Variants in B3GALT1 observed in about 807,000 individuals in gnomAD.
B3GALT1 encodes UDP-Gal:betaGlcNAc beta 1,3-galactosyltransferase, polypeptide 1.
In B3GALT1, 10 loss-of-function variants were observed where a neutral mutation model predicts 23.2. The observed-to-expected ratio is 0.43, with a 90% CI of 0.27 to 0.73. The LOEUF (loss-of-function observed/expected upper bound fraction) is 0.73, where lower values mean the gene tolerates loss of function less well. B3GALT1 is among the 30% of genes least tolerant of loss of function. B3GALT1 has a pLI of 0.21. For synonymous variants in B3GALT1, 156 were observed against 141.5 expected (o/e 1.10, Z -0.73); for missense variants, 299 against 405.4 (o/e 0.74, Z 2.25).
At chr2:167,717,137 ATT>A (rs1369897348) in intron 3 of B3GALT1, among the ~76,000 whole-genome samples, 3 of 151,862 alleles carry the variant, frequency 2.0e-5, no homozygotes, top group Non-Finnish European at 2.9e-5. Flanking sequence ...TTTGTCTTTC[ATT>A]TTTTCTTTCT....
At chr2:167,404,426 G>A (rs1254297907) in intron 1 of B3GALT1, among the ~76,000 whole-genome samples, 2 of 152,140 alleles carry the variant, frequency 1.3e-5, no homozygotes, top group African/African-American at 4.8e-5. Context: ...AATGGACTAT[G>A]TTGTGATTAG....
At chr2:167,801,590 G>T (rs1350579974) in intron 3 of B3GALT1, among the ~76,000 whole-genome samples, 1 of 152,176 alleles carries the variant, frequency 6.6e-6, no homozygotes, top group Non-Finnish European at 1.5e-5. Flanking sequence ...CTAGGTAAGA[G>T]TGTGTTTTGT....
At chr2:167,868,489 TAAAAA>T (rs71397619) in intron 4 of B3GALT1, among the ~76,000 whole-genome samples, 2 of 141,836 alleles carry the variant, frequency 1.4e-5, no homozygotes, top group Admixed American at 1.4e-4. Context: ...ATGTCACTGT[TAAAAA>T]AAAAAAAAAA....
At chr2:167,648,451 C>G (rs1040611068) in intron 3 of B3GALT1, among the ~76,000 whole-genome samples, 5 of 152,066 alleles carry the variant, frequency 3.3e-5, no homozygotes, top group African/African-American at 1.2e-4. Flanking sequence ...CAAGAAATGT[C>G]TCTACTCATC....
At chr2:167,852,765 C>A (rs1689929015) in intron 4 of B3GALT1, among the ~76,000 whole-genome samples, 1 of 152,108 alleles carries the variant, frequency 6.6e-6, no homozygotes, top group Non-Finnish European at 1.5e-5. Flanking sequence ...AGAATATAGT[C>A]CACTTTTCTA....
intron 3 of B3GALT1, among the ~76,000 whole-genome samples, chr2:167,789,645 C>G (rs1168856898): frequency 6.6e-6 from 1 of 152,086 alleles, no homozygotes; most frequent in Non-Finnish European, 1.5e-5. Flanking sequence ...ATACCAAATG[C>G]CAATGCCAAT....
At chr2:167,807,155 G>A (rs1688773197) in intron 3 of B3GALT1, among the ~76,000 whole-genome samples, 1 of 152,224 alleles carries the variant, frequency 6.6e-6, no homozygotes, top group South Asian at 2.1e-4. Flanking sequence ...GGGATCAGTG[G>A]TGATATCCCC....
chr2:167,426,316 C>T (rs574718403), intron 1 of B3GALT1, among the ~76,000 whole-genome samples: 7 of 151,104 alleles, frequency 4.6e-5, no homozygotes, highest in African/African-American at 1.7e-4. Flanking sequence ...GCTCTGTCGC[C>T]CAGGCTGGAG....
chr2:167,428,555 G>A (rs1464007111), intron 1 of B3GALT1, among the ~76,000 whole-genome samples: 1 of 152,108 alleles, frequency 6.6e-6, no homozygotes, highest in Non-Finnish European at 1.5e-5. Flanking sequence ...GTAAGCACTT[G>A]TAATCCCAGC....
chr2:167,511,439 G>A (rs1358784256), intron 2 of B3GALT1, among the ~76,000 whole-genome samples: 1 of 151,262 alleles, frequency 6.6e-6, no homozygotes. Context: ...CGTGAAGAAG[G>A]ATGTGTTTGC....
rs937222673 is a variant in B3GALT1 at position 167,762,581 on chromosome 2, A to T, written c.-351-56091A>T. ...TACAAAGGAAGTCTGGACCAAAAAT[A>T]AAAAAAAAAAAAAAACACTAATGAA... On this transcript the variant is annotated intron_variant, in intron 3 of 4. Coordinates refer to ENST00000392690, the MANE Select transcript of B3GALT1 (RefSeq NM_020981.4). 5.9e-4 allele frequency among the ~76,000 whole-genome samples: 54 copies of T among 91,974 alleles called. 1 individual carries two copies. The highest frequency in any genetic ancestry group is 1.7e-3 in the African/African-American group (51 of 30,130). 60.3% of individuals were successfully genotyped at this position (91,974 alleles called of 152,430 possible). A position where few individuals can be genotyped will look rare whatever the true frequency, so the allele number is the denominator to read the frequency against.
rs112108795 is a variant in B3GALT1, at chr2:167,406,944, C to T, written c.-510-83233C>T. On this transcript the variant is annotated intron_variant, in intron 1 of 4. Coordinates refer to ENST00000392690, the MANE Select transcript of B3GALT1 (RefSeq NM_020981.4). ...ACTGGGCTTATAGTGCCAACCAGAG[C>T]TGAAAAGGAAAACATTGGAGTTTAA... Among the ~76,000 whole-genome samples, 236 of 152,264 alleles carry T rather than the reference C, an allele frequency of 1.5e-3. 2 individuals are homozygous for T. The highest frequency in any genetic ancestry group is 2.8e-3 in the Non-Finnish European group (189 of 68,022).
chr2:167,847,988 A>T (rs1460742619), intron 4 of B3GALT1, among the ~76,000 whole-genome samples: 1 of 152,196 alleles, frequency 6.6e-6, no homozygotes, highest in African/African-American at 2.4e-5. Context: ...TAGAAAACCT[A>T]GAAGAGATGG....
intron 2 of B3GALT1, among the ~76,000 whole-genome samples, chr2:167,608,670 CT>C (rs893621539): frequency 2.0e-5 from 3 of 152,160 alleles, no homozygotes; most frequent in Non-Finnish European, 4.4e-5. Flanking sequence ...TACATATGGA[CT>C]TTTGTTTCTG....
At chr2:167,426,925 A>G (rs746930190) in intron 1 of B3GALT1, among the ~76,000 whole-genome samples, 1 of 152,236 alleles carries the variant, frequency 6.6e-6, no homozygotes, top group South Asian at 2.1e-4. Flanking sequence ...GTTCATTGCA[A>G]CATTGTTTTA....
chr2:167,533,461 G>C (rs1374241637), intron 2 of B3GALT1, among the ~76,000 whole-genome samples: 1 of 151,860 alleles, frequency 6.6e-6, no homozygotes, highest in Non-Finnish European at 1.5e-5. Flanking sequence ...TAGATAATTT[G>C]ATATTTAGAT....
intron 3 of B3GALT1, among the ~76,000 whole-genome samples, chr2:167,798,075 T>C (rs1688572614): frequency 6.6e-6 from 1 of 152,220 alleles, no homozygotes; most frequent in South Asian, 2.1e-4. Context: ...TGTTTGTTGG[T>C]TGCATGAATG....
At chr2:167,449,825 A>G (rs910614395) in intron 1 of B3GALT1, among the ~76,000 whole-genome samples, 3 of 152,026 alleles carry the variant, frequency 2.0e-5, no homozygotes, top group African/African-American at 4.8e-5. Flanking sequence ...TTTGTCAAAT[A>G]CTTTTTCTGT....
intron 4 of B3GALT1, among the ~76,000 whole-genome samples, chr2:167,841,262 C>G (rs1325959535): frequency 1.3e-5 from 2 of 151,516 alleles, no homozygotes; most frequent in African/African-American, 4.8e-5. Flanking sequence ...AAAAGCCATT[C>G]AAGAGCCATC....
Sources: gnomAD v4.1 joint callset for allele counts (sites outside exome capture counted in the v4.1 genomes callset) on GRCh38, gnomAD v4.1.1 for gene constraint, MANE v1.5 for transcripts, NCBI Gene and HGNC (gene_info 2026-07-23, HGNC 2026-07-21) for gene names.